Variants in MYO7A observed in about 807,000 individuals in gnomAD.
MYO7A encodes the protein unconventional myosin-VIIa.
A neutral mutation model predicts 263.8 loss-of-function variants in MYO7A; 210 were observed. The ratio of observed to expected loss-of-function variants is 0.80; its 90% CI spans 0.71 to 0.89. The LOEUF (loss-of-function observed/expected upper bound fraction) is 0.89, where lower values mean the gene tolerates loss of function less well. Among genes scored for constraint, MYO7A ranks in the 40% least tolerant of loss-of-function variants. MYO7A has a pLI of 0.00. For synonymous variants in MYO7A, 1,239 were observed against 1,197.3 expected, an observed-to-expected ratio of 1.03 and a Z score of -0.72; for missense variants, 2,820 against 2,968.3, an observed-to-expected ratio of 0.95 and a Z score of 1.16.
chr11:77,214,565 G>A (rs537891361), intron 48 of MYO7A, 42 bp from the exon 49 acceptor site: 1 of 1,434,146 alleles, frequency 7.0e-7, no homozygotes, highest in African/African-American at 1.4e-5. Flanking sequence ...GGCTGGCCCT[G>A]TCCCACCGTG....
chr11:77,169,473 T>C (rs1426474747), intron 15 of MYO7A, among the ~76,000 whole-genome samples: 3 of 152,256 alleles, frequency 2.0e-5, no homozygotes, highest in African/African-American at 7.2e-5. Flanking sequence ...CCCTTTCATG[T>C]CACGCTCTGG....
At chr11:77,155,418 C>T (rs1209660850) in intron 4 of MYO7A, among the ~76,000 whole-genome samples, 3 of 152,202 alleles carry the variant, frequency 2.0e-5, no homozygotes, top group Non-Finnish European at 4.4e-5. Context: ...TACCCCAGCT[C>T]CTTCAGCTCT....
chr11:77,204,349 G>A, intron 39 of MYO7A, 120 bp downstream of exon 39: 1 of 1,379,518 alleles, frequency 7.2e-7, no homozygotes, highest in Non-Finnish European at 9.8e-7. Context: ...CACAGAGCCG[G>A]GAGCTGCTCA....
intron 29 of MYO7A, 71 bp from the exon 30 acceptor site, chr11:77,190,626 G>C (rs983636046): frequency 2.4e-5 from 36 of 1,497,712 alleles, no homozygotes; most frequent in Admixed American, 4.0e-5. Context: ...AGAAAGCAGA[G>C]AGCCAAAGTC....
rs2135678481 is a variant in MYO7A, at chr11:77,199,526, C to A, written c.4569-9C>A. 1 of 1,467,846 alleles carries A rather than the reference C, an allele frequency of 6.8e-7. No individual in the cohort carries two copies. The allele number at this position is 1,467,846 out of a possible 1,614,324, so 90.9% of individuals were successfully genotyped here. ...CATGACTGACTCAACTGGCCTTGAT[C>A]TCCTTCAGGGAGTGCCGTGTCTGGC... is the stretch of plus-strand genomic sequence containing the variant. On this transcript the variant is annotated splice_polypyrimidine_tract_variant and intron_variant, in intron 34 of 48. Coordinates refer to ENST00000409709, the MANE Select transcript of MYO7A (RefSeq NM_000260.4).
intron 46 of MYO7A, chr11:77,212,696 CT>C: frequency 3.6e-6 from 2 of 560,548 alleles, no homozygotes; most frequent in East Asian, 3.0e-5. Flanking sequence ...GTCCAGGAGG[CT>C]TTTTAAAGAT....
At position 77,142,621 on chromosome 11, in the gene MYO7A, G is replaced by A. The variant is rs748238135; in HGVS notation, c.19-88G>A. ...CTTGTGTGGTTGGCTCAGAGCCTCT[G>A]ATTGTAGCAGAGGGATATAGGGCTG... On this transcript the variant is annotated intron_variant, in intron 2 of 48. Transcript: ENST00000409709. 478 of 1,142,326 alleles carry A rather than the reference G, an allele frequency of 4.2e-4. 2 individuals are homozygous for A. Among genetic ancestry groups the A allele is most frequent in the Non-Finnish European group, 5.9e-4 (455 of 776,520 alleles). The allele number at this position is 1,142,326 out of a possible 1,614,324, so 70.8% of individuals were successfully genotyped here.
intron 2 of MYO7A, among the ~76,000 whole-genome samples, chr11:77,132,677 C>CG (rs1159323369): frequency 4.4e-4 from 67 of 152,266 alleles, no homozygotes; most frequent in African/African-American, 1.6e-3. Context: ...TTAATAAAGA[C>CG]GGGGTTTCAC....
At chr11:77,210,231 C>A (rs1054934220) in intron 44 of MYO7A, among the ~76,000 whole-genome samples, 3 of 152,206 alleles carry the variant, frequency 2.0e-5, no homozygotes, top group Non-Finnish European at 4.4e-5. Context: ...GGAGGGTAGG[C>A]ATTGTTGCTT....
At position 77,198,943 on chromosome 11, in the gene MYO7A, G is replaced by A. The variant is rs544755708; in HGVS notation, c.4568+322G>A. Among the ~76,000 whole-genome samples, 37 of 152,342 alleles carry A rather than the reference G, an allele frequency of 2.4e-4. No homozygotes were observed. In the South Asian group the frequency reaches 6.8e-3, roughly 28 times the overall value. ...CTCTATGTCTTCATTCCTAAAACAGGAGTCTTAATACTTTTCTCGCATAAC... is the reference window on the plus strand; with the variant it reads ...CTCTATGTCTTCATTCCTAAAACAGAAGTCTTAATACTTTTCTCGCATAAC... On this transcript the variant is annotated intron_variant, in intron 34 of 48. Transcript: ENST00000409709.
intron 28 of MYO7A, among the ~76,000 whole-genome samples, chr11:77,189,790 G>T (rs1374090211): frequency 6.6e-6 from 1 of 152,254 alleles, no homozygotes; most frequent in Non-Finnish European, 1.5e-5. Context: ...GACCCGACTG[G>T]CTGGTGCTGT....
chr11:77,192,930 TGTTTGTGA>T, intron 31 of MYO7A, among the ~76,000 whole-genome samples: 1 of 4,820 alleles, frequency 2.1e-4, no homozygotes, highest in Middle Eastern at 0.062. Context: ...GTGATGGTGT[TGTTTGTGA>T]TGGTGGAGGT....
At chr11:77,205,391 C>A in intron 39 of MYO7A, 71 bp from the exon 40 acceptor site, 1 of 1,500,092 alleles carries the variant, frequency 6.7e-7, no homozygotes. Flanking sequence ...GGCCCCCTCA[C>A]CCGGGGGTGC....
chr11:77,202,981 T>TG (rs1957174644), intron 37 of MYO7A, 79 bp from the exon 38 acceptor site: 19 of 1,372,522 alleles, frequency 1.4e-5, no homozygotes, highest in South Asian at 1.3e-5. Context: ...TGGGTGGGGG[T>TG]GGGGGTCTCA....
At chr11:77,213,171 G>T in intron 47 of MYO7A, 136 bp downstream of exon 47, 1 of 713,118 alleles carries the variant, frequency 1.4e-6, no homozygotes, top group Middle Eastern at 4.0e-4. Flanking sequence ...GGCTTCAAAA[G>T]CTGTCAGCGT....
intron 44 of MYO7A, among the ~76,000 whole-genome samples, chr11:77,210,656 T>C (rs970352550): frequency 9.2e-5 from 14 of 152,090 alleles, no homozygotes; most frequent in African/African-American, 3.4e-4. Context: ...CTGGGCCCAT[T>C]CCCCAGCCTA....
intron 3 of MYO7A, among the ~76,000 whole-genome samples, chr11:77,145,400 T>A (rs1430786378): frequency 1.3e-5 from 2 of 152,088 alleles, no homozygotes; most frequent in Non-Finnish European, 2.9e-5. Flanking sequence ...GAGGGCAAAT[T>A]GATGTGCTCA....
chr11:77,212,472 G>A (rs1957952671), intron 46 of MYO7A: 7 of 350,958 alleles, frequency 2.0e-5, no homozygotes, highest in Non-Finnish European at 3.9e-5. Flanking sequence ...GGGGTGGCCT[G>A]CCTTGGAGGG....
chr11:77,130,554 T>G, intron 1 of MYO7A, 35 bp from the exon 2 acceptor site: 1 of 1,553,512 alleles, frequency 6.4e-7, no homozygotes, highest in Non-Finnish European at 8.8e-7. Context: ...AGGGCTGGCC[T>G]GCCCAGAAGC....
Sources: allele counts gnomAD v4.1 joint callset (sites outside exome capture counted in the v4.1 genomes callset), GRCh38; gene constraint gnomAD v4.1.1; transcripts MANE v1.5; gene names NCBI Gene and HGNC (gene_info 2026-07-23, HGNC 2026-07-21).